RAB14: variants seen among roughly 807,000 people sequenced by gnomAD.
RAB14 encodes the protein RAB14, member RAS oncogene family.
A neutral mutation model predicts 31.1 loss-of-function variants in RAB14; 3 were observed. The observed-to-expected ratio is 0.10, with a 90% confidence interval of 0.04 to 0.25. The LOEUF (loss-of-function observed/expected upper bound fraction) is 0.25. RAB14 is among the 10% of genes least tolerant of loss of function. RAB14 has a pLI of 1.00. For missense variants in RAB14, 111 were observed against 260.1 expected (o/e 0.43, Z 3.94); for synonymous variants, 85 against 84.9 (o/e 1.00, Z 0.00).
chr9:121,182,669 A>C (rs1258224808), intron 7 of RAB14, among the ~76,000 whole-genome samples: 1 of 152,234 alleles, frequency 6.6e-6, no homozygotes, highest in African/African-American at 2.4e-5. Context: ...ACACTTTTGA[A>C]ATGTAAACAA....
At position 121,193,396 on chromosome 9, in the gene RAB14, T is replaced by C; in HGVS notation, c.17A>G (p.Tyr6Cys). The C allele has an allele frequency of 6.3e-7, 1 of 1,587,224 alleles. No individual in the cohort carries two copies. The highest frequency in any genetic ancestry group is 8.6e-7 in the Non-Finnish European group (1 of 1,169,562). ...ATATTTAAAGATGTAAGAGTAGTTG[T>C]ATGGTGCAGTTGCCATGGTGGCACT... MATAP[Y>C]NYSYIFKYII... The change falls in exon 2 of 8, where the codon TAC becomes TGC. Residue 6 changes from tyrosine to cysteine, a missense_variant. Coordinates refer to ENST00000373840, the MANE Select transcript of RAB14 (RefSeq NM_016322.4).
At chr9:121,196,209 A>G (rs2053716087) in intron 1 of RAB14, among the ~76,000 whole-genome samples, 1 of 152,176 alleles carries the variant, frequency 6.6e-6, no homozygotes, top group Non-Finnish European at 1.5e-5. Flanking sequence ...GTAATATTCT[A>G]TAACTTGTAT....
In RAB14 at chr9:121,180,167, CAGGGATATCTTA is replaced by C. The variant is rs2053625395; in HGVS notation, c.*1217_*1228del. 6.6e-6 allele frequency: 1 copy of C among 152,624 alleles called. No individual in the cohort carries two copies. The highest frequency in any genetic ancestry group is 6.5e-5 in the Admixed American group (1 of 15,282). The allele number at this position is 152,624 out of a possible 1,614,324, so 9.5% of individuals were successfully genotyped here. ...AAAACAGCCCCTCACACTGTGAACA[CAGGGATATCTTA>C]AGTTATTTCACTGTAGGGTTAAAAA... On this transcript the variant is annotated 3_prime_UTR_variant, in exon 8 of 8. Transcript: ENST00000373840.
Position 121,180,447 on chromosome 9 carries a change from G to A in RAB14, c.*949C>T, listed in dbSNP as rs1372844702. 3 of 152,654 alleles carry A rather than the reference G, an allele frequency of 2.0e-5. No homozygotes were observed. Among genetic ancestry groups the A allele is most frequent in the Non-Finnish European group, 4.4e-5 (3 of 68,040 alleles). The allele number at this position is 152,654 out of a possible 1,614,324, so 9.5% of individuals were successfully genotyped here. A position where few individuals can be genotyped will look rare whatever the true frequency, so the allele number is the denominator to read the frequency against. On this transcript the variant is annotated 3_prime_UTR_variant, in exon 8 of 8. Transcript: ENST00000373840. Reference sequence around the variant, plus strand: ...AACAGTTAAGAAAATCAGCAGGTAAGCAACAGTGCAAAGATGGAACAGAAT... The same window carrying A: ...AACAGTTAAGAAAATCAGCAGGTAAACAACAGTGCAAAGATGGAACAGAAT...
In RAB14 at chr9:121,183,416, G is replaced by T; in HGVS notation, c.352-18C>A. ...ATTATTACCTAATTTGTGATCAAAA[G>T]AAAGACACCTTGTAACAAAAGCAGT... On this transcript the variant is annotated intron_variant, in intron 5 of 7. Coordinates refer to ENST00000373840, the MANE Select transcript of RAB14 (RefSeq NM_016322.4). The T allele has an allele frequency of 4.6e-6, 7 of 1,532,780 alleles. No homozygotes were observed. Among genetic ancestry groups the T allele is most frequent in the Non-Finnish European group, 6.3e-6 (7 of 1,114,568 alleles). The allele number at this position is 1,532,780 out of a possible 1,614,324, so 94.9% of individuals were successfully genotyped here.
chr9:121,191,349 T>C (rs1324533750), intron 3 of RAB14, among the ~76,000 whole-genome samples: 2 of 152,094 alleles, frequency 1.3e-5, no homozygotes, highest in Admixed American at 1.3e-4. Flanking sequence ...TATATGCATA[T>C]ATTTTAGAGA....
chr9:121,200,731 G>A (rs150457599), intron 1 of RAB14, among the ~76,000 whole-genome samples: 2 of 152,282 alleles, frequency 1.3e-5, no homozygotes, highest in East Asian at 1.9e-4. Context: ...AGTGTGAGCC[G>A]AAGCCAGTTT....
In RAB14 at chr9:121,181,526, T is replaced by C; in HGVS notation, c.518A>G (p.Tyr173Cys). The C allele has an allele frequency of 6.2e-7, 1 of 1,613,220 alleles. No homozygotes were observed. The highest frequency in any genetic ancestry group is 8.5e-7 in the Non-Finnish European group (1 of 1,179,288). The part of the protein sequence containing the change: ...DAFLEAAKKI[Y>C]QNIQDGSLDL... Reference sequence around the variant, plus strand: ...CAAGCTTCCATCCTGAATGTTCTGATAGATTTTCTTGGCAGCCTCAAGGAA... The same window carrying C: ...CAAGCTTCCATCCTGAATGTTCTGACAGATTTTCTTGGCAGCCTCAAGGAA... The change falls in exon 8 of 8, where the codon TAT (tyrosine) becomes TGT (cysteine). Residue 173 changes from tyrosine to cysteine, a missense_variant. Physicochemically the swap from Tyr to Cys is radical, Grantham distance 194. Coordinates refer to ENST00000373840, the MANE Select transcript of RAB14 (RefSeq NM_016322.4).
In RAB14 at chr9:121,179,600, T is replaced by C. The variant is rs1174972934; in HGVS notation, c.*1796A>G. 6.6e-6 allele frequency: 1 copy of C among 152,650 alleles called. No individual in the cohort carries two copies. Among genetic ancestry groups the C allele is most frequent in the Non-Finnish European group, 1.5e-5 (1 of 68,038 alleles). The allele number at this position is 152,650 out of a possible 1,614,324, so 9.5% of individuals were successfully genotyped here. On this transcript the variant is annotated 3_prime_UTR_variant, in exon 8 of 8. Transcript: ENST00000373840. ...CAACAGTGTAAGCAAAATGGATCAC[T>C]GTAAGTCTTTAACAGAATATACCAA...
intron 5 of RAB14, among the ~76,000 whole-genome samples, chr9:121,186,097 T>C (rs10760153): frequency 0.36 from 54,282 of 151,958 alleles, 12,061 homozygotes; most frequent in South Asian, 0.64. Context: ...ACAAGCCTTG[T>C]TCCTGAGAAA....
chr9:121,189,546 CTATAAT>C (rs532632109), intron 4 of RAB14, among the ~76,000 whole-genome samples: 1 of 152,024 alleles, frequency 6.6e-6, no homozygotes, highest in Non-Finnish European at 1.5e-5. Context: ...ACTTTAGGCA[CTATAAT>C]TATAATTAGT....
At chr9:121,193,745 C>T (rs987394379) in intron 1 of RAB14, among the ~76,000 whole-genome samples, 1 of 151,862 alleles carries the variant, frequency 6.6e-6, no homozygotes, top group African/African-American at 2.4e-5. Flanking sequence ...AATTGTCAAA[C>T]AAAAAAATCT....
At chr9:121,185,424 C>T (rs1194568940) in intron 5 of RAB14, among the ~76,000 whole-genome samples, 1 of 152,122 alleles carries the variant, frequency 6.6e-6, no homozygotes, top group Non-Finnish European at 1.5e-5. Flanking sequence ...GGCACATGTG[C>T]GTTCGTGCAT....
At position 121,178,689 on chromosome 9, in the gene RAB14, C is replaced by CA. The variant is rs112121957; in HGVS notation, c.*2706dup. 0.077 allele frequency: 11,487 copies of CA among 150,134 alleles called. 1,142 individuals carry two copies. The highest frequency in any genetic ancestry group is 0.22 in the African/African-American group (9,057 of 41,028). 9.3% of individuals were successfully genotyped at this position (150,134 alleles called of 1,614,324 possible). A position where few individuals can be genotyped will look rare whatever the true frequency, so the allele number is the denominator to read the frequency against. On this transcript the variant is annotated 3_prime_UTR_variant, in exon 8 of 8. Coordinates refer to ENST00000373840, the MANE Select transcript of RAB14 (RefSeq NM_016322.4). ...CTCTATTAACGTGTAAACCACCAAC[C>CA]AAAAAAAAATAATAAGTTACTCCAT...
intron 5 of RAB14, 31 bp downstream of exon 5, chr9:121,186,922 T>A: frequency 6.8e-7 from 1 of 1,463,208 alleles, no homozygotes; most frequent in South Asian, 1.5e-5. Flanking sequence ...GTTCTTAAAT[T>A]TTCTGTGTAA....
chr9:121,193,889 A>G (rs936668631), intron 1 of RAB14, among the ~76,000 whole-genome samples: 1 of 152,158 alleles, frequency 6.6e-6, no homozygotes, highest in African/African-American at 2.4e-5. Context: ...ATATAAAGGA[A>G]CCACTTAATT....
At chr9:121,187,065 A>G (rs559539631) in intron 4 of RAB14, 46 bp from the exon 5 acceptor site, 58 of 1,187,970 alleles carry the variant, frequency 4.9e-5, no homozygotes, top group Admixed American at 1.3e-4. Flanking sequence ...ATAATTATAG[A>G]AAAAAAACTT....
chr9:121,190,354 T>C (rs2053680001), intron 4 of RAB14, among the ~76,000 whole-genome samples, 200 bp downstream of exon 4: 1 of 152,120 alleles, frequency 6.6e-6, no homozygotes, highest in Admixed American at 6.6e-5. Flanking sequence ...TCCCTAAATT[T>C]TTCTTCAGTC....
intron 7 of RAB14, 58 bp downstream of exon 7, chr9:121,182,872 G>A (rs555077906): frequency 9.0e-6 from 13 of 1,438,980 alleles, no homozygotes; most frequent in Admixed American, 3.5e-5. Flanking sequence ...TCATATATAC[G>A]GTTCTACTTT....
Sources: gnomAD v4.1 joint callset for allele counts (sites outside exome capture counted in the v4.1 genomes callset) on GRCh38, gnomAD v4.1.1 for gene constraint, MANE v1.5 for transcripts, NCBI Gene and HGNC (gene_info 2026-07-23, HGNC 2026-07-21) for gene names.